The following ADGRD1 variants were observed in gnomAD, a reference collection of about 807,000 sequenced individuals.
ADGRD1 encodes the protein G-protein coupled receptor 133.
ADGRD1 carries 77 observed loss-of-function variants against 113.4 expected under a neutral mutation model. The ratio of observed to expected loss-of-function variants is 0.68; its 90% confidence interval spans 0.57 to 0.82. The LOEUF (loss-of-function observed/expected upper bound fraction) is 0.82. ADGRD1 is among the 40% of genes least tolerant of loss of function. ADGRD1 has a pLI of 0.00. For synonymous variants in ADGRD1, 474 were observed against 475.0 expected (o/e 1.00, Z 0.03); for missense variants, 1,036 against 1,139.1 (o/e 0.91, Z 1.30).
intron 15 of ADGRD1, among the ~76,000 whole-genome samples, chr12:131,088,292 C>T (rs1886639899): frequency 6.6e-6 from 1 of 152,220 alleles, no homozygotes; most frequent in South Asian, 2.1e-4. Context: ...TTAGGTAGCA[C>T]CCGGGCCATG....
intron 20 of ADGRD1, among the ~76,000 whole-genome samples, chr12:131,131,317 G>A (rs1359737390): frequency 6.6e-6 from 1 of 152,244 alleles, no homozygotes; most frequent in Non-Finnish European, 1.5e-5. Flanking sequence ...CTGTGCCGGG[G>A]CCTGGCACAT....
At chr12:131,121,033 C>T (rs1950580600) in intron 20 of ADGRD1, 120 bp downstream of exon 20, 2 of 843,732 alleles carry the variant, frequency 2.4e-6, no homozygotes, top group Non-Finnish European at 3.8e-6. Context: ...CAGCGTCGTT[C>T]CTCGGTCACT....
At position 130,979,785 on chromosome 12, in the gene ADGRD1, CAG is replaced by C. The variant is rs747970844; in HGVS notation, c.311-2098_311-2097del. Among the ~76,000 whole-genome samples, 215 of 147,112 alleles carry C rather than the reference CAG, an allele frequency of 1.5e-3. 1 individual carries two copies. The highest frequency in any genetic ancestry group is 2.4e-3 in the Admixed American group (36 of 14,724). On this transcript the variant is annotated intron_variant, in intron 4 of 24. Transcript: ENST00000261654. ...GGCAGCTGGATGTATTTCCAGCTGT[CAG>C]GGGCAGAATCCAGACAGGCAGCTAG...
chr12:131,113,304 T>C lies in ADGRD1; in HGVS notation c.2041+4427T>C, dbSNP rs1566121150. On this transcript the variant is annotated intron_variant, in intron 18 of 24. Transcript: ENST00000261654. The surrounding 1 kb of genome is among the most constrained non-coding windows in gnomAD (Gnocchi z 4.9). ...AGTGATAGCTGTCTCTGGGGAGGGGTCTGCTGAGCGACTTGTGCTGTCATT... is the reference window on the plus strand; with the variant it reads ...AGTGATAGCTGTCTCTGGGGAGGGGCCTGCTGAGCGACTTGTGCTGTCATT... 6.6e-6 allele frequency among the ~76,000 whole-genome samples: 1 copy of C among 151,648 alleles called. No individual in the cohort carries two copies.
chr12:131,108,706 T>A lies in ADGRD1; in HGVS notation c.1888-18T>A. The A allele has an allele frequency of 6.2e-7, 1 of 1,614,064 alleles. No homozygotes were observed. The highest frequency in any genetic ancestry group is 8.5e-7 in the Non-Finnish European group (1 of 1,179,980). ...CACCCCAGAGCTGTCTCACTTCCCA[T>A]CTCTGGTTAAATCCTAGACCCCCTG... On this transcript the variant is annotated intron_variant, in intron 17 of 24. Coordinates refer to ENST00000261654, the MANE Select transcript of ADGRD1 (RefSeq NM_198827.5).
At chr12:131,115,149 T>G (rs999257574) in intron 18 of ADGRD1, among the ~76,000 whole-genome samples, 8 of 152,136 alleles carry the variant, frequency 5.3e-5, no homozygotes, top group African/African-American at 1.9e-4. Flanking sequence ...CCATCCCTCT[T>G]TGGTTTTAAA....
At chr12:131,051,538 C>T (rs1883394415) in intron 13 of ADGRD1, among the ~76,000 whole-genome samples, 1 of 149,852 alleles carries the variant, frequency 6.7e-6, no homozygotes, top group African/African-American at 2.5e-5. Flanking sequence ...GGCTGGAGGG[C>T]AGTGGCGATA....
At chr12:131,108,258 G>A (rs79585080) in intron 17 of ADGRD1, among the ~76,000 whole-genome samples, 1 of 152,220 alleles carries the variant, frequency 6.6e-6, no homozygotes, top group Non-Finnish European at 1.5e-5. Flanking sequence ...CCAGCATGTA[G>A]GGTTCAGCCA....
chr12:130,967,388 CT>C (rs1194523922), intron 3 of ADGRD1: 2 of 173,290 alleles, frequency 1.2e-5, no homozygotes, highest in African/African-American at 4.7e-5. Context: ...CTAATAAGGA[CT>C]TTTTAAAAAC....
chr12:130,987,562 T>C (rs2136629725), intron 6 of ADGRD1: 1 of 592,840 alleles, frequency 1.7e-6, no homozygotes, highest in Non-Finnish European at 3.0e-6. Flanking sequence ...TTGAGATGAA[T>C]ATTGTTCTGT....
At chr12:131,090,298 T>G (rs765492160) in intron 15 of ADGRD1, among the ~76,000 whole-genome samples, 41 of 152,300 alleles carry the variant, frequency 2.7e-4, no homozygotes, top group Non-Finnish European at 4.9e-4. Flanking sequence ...TGCAGCATAC[T>G]CAGAGAATTA....
chr12:131,043,750 G>T (rs760037620), intron 13 of ADGRD1, among the ~76,000 whole-genome samples: 2 of 152,308 alleles, frequency 1.3e-5, no homozygotes, highest in South Asian at 4.1e-4. Context: ...GGGCTCGTGC[G>T]GCTGGGGAGC....
intron 21 of ADGRD1, among the ~76,000 whole-genome samples, chr12:131,135,117 G>A (rs1951041391): frequency 6.6e-6 from 1 of 152,238 alleles, no homozygotes; most frequent in Non-Finnish European, 1.5e-5. Flanking sequence ...AGTTGGCCAT[G>A]ATTGACACAG....
At chr12:131,134,976 T>A (rs546719579) in intron 21 of ADGRD1, among the ~76,000 whole-genome samples, 1 of 152,304 alleles carries the variant, frequency 6.6e-6, no homozygotes, top group South Asian at 2.1e-4. Context: ...AACCGAGGCA[T>A]GTGACAGTGG....
intron 17 of ADGRD1, 40 bp downstream of exon 17, chr12:131,105,905 C>T: frequency 6.8e-7 from 1 of 1,460,716 alleles, no homozygotes; most frequent in South Asian, 1.2e-5. Flanking sequence ...CTGTCCTTCC[C>T]TTGCCTCCTC....
chr12:131,131,282 C>T (rs531789892), intron 20 of ADGRD1, among the ~76,000 whole-genome samples: 44 of 152,270 alleles, frequency 2.9e-4, no homozygotes, highest in Admixed American at 2.5e-3. Context: ...AGGCCTGGGC[C>T]GGGGCGGGAG....
chr12:131,022,512 T>C lies in ADGRD1; in HGVS notation c.1473+8172T>C, dbSNP rs1450854071. On this transcript the variant is annotated intron_variant, in intron 13 of 24. Coordinates refer to ENST00000261654, the MANE Select transcript of ADGRD1 (RefSeq NM_198827.5). This position sits in a 1 kb window ranked among gnomAD's most constrained non-coding sequence, Gnocchi z 4.6. ...AACCGTGATTTATTTATTCAGTTGCTGGTGTTGCTATGACTCAGGGGTACT... is the reference window on the plus strand; with the variant it reads ...AACCGTGATTTATTTATTCAGTTGCCGGTGTTGCTATGACTCAGGGGTACT... Among the ~76,000 whole-genome samples the C allele has an allele frequency of 1.3e-5, 2 of 152,234 alleles. No homozygotes were observed. Among genetic ancestry groups the C allele is most frequent in the Non-Finnish European group, 2.9e-5 (2 of 68,042 alleles).
At chr12:130,979,948 G>C (rs918533279) in intron 4 of ADGRD1, among the ~76,000 whole-genome samples, 3 of 152,066 alleles carry the variant, frequency 2.0e-5, no homozygotes, top group African/African-American at 7.2e-5. Flanking sequence ...GCTCCAAAAT[G>C]CAACGCCAGA....
Position 131,073,699 on chromosome 12 carries a change from C to T in ADGRD1, c.1474-3102C>T, listed in dbSNP as rs561903484. On this transcript the variant is annotated intron_variant, in intron 13 of 24. Coordinates refer to ENST00000261654, the MANE Select transcript of ADGRD1 (RefSeq NM_198827.5). ...TTCTGGAGGCTGTGAAGTCCAAGCT[C>T]GGGCAGCCGTGTCTGGTGAACACCT... is the stretch of plus-strand genomic sequence containing the variant. Among the ~76,000 whole-genome samples the T allele has an allele frequency of 7.2e-5, 11 of 152,212 alleles. No homozygotes were observed. The East Asian group carries it at 1.4e-3, about 19-fold the overall frequency.
Sources: allele counts gnomAD v4.1 joint callset (sites outside exome capture counted in the v4.1 genomes callset), GRCh38; gene constraint gnomAD v4.1.1; non-coding constraint Gnocchi (gnomAD v3.1); transcripts MANE v1.5; gene names NCBI Gene and HGNC (gene_info 2026-07-23, HGNC 2026-07-21).